The following CADPS variants were observed in gnomAD, a reference collection of about 807,000 sequenced individuals.
CADPS encodes the protein calcium-dependent secretion activator 1.
In CADPS, 57 loss-of-function variants were observed where a neutral mutation model predicts 167.3. The ratio of observed to expected loss-of-function variants is 0.34; its 90% CI spans 0.28 to 0.42. CADPS has a LOEUF of 0.42. CADPS is among the 20% of genes least tolerant of loss of function. The pLI is 1.00. For missense variants in CADPS, 1,414 were observed against 1,738.1 expected, an observed-to-expected ratio of 0.81 and a Z score of 3.32; for synonymous variants, 676 against 635.3, an observed-to-expected ratio of 1.06 and a Z score of -0.96.
At chr3:62,513,123 C>T (rs1406571809) in intron 16 of CADPS, among the ~76,000 whole-genome samples, 2 of 152,076 alleles carry the variant, frequency 1.3e-5, no homozygotes, top group African/African-American at 4.8e-5. Context: ...GGAAAAGCTT[C>T]CCAGCTTGAT....
chr3:62,724,362 G>A (rs1294801520), intron 3 of CADPS, among the ~76,000 whole-genome samples: 1 of 152,118 alleles, frequency 6.6e-6, no homozygotes, highest in Non-Finnish European at 1.5e-5. Context: ...ATGGCATGCA[G>A]CTCAGAAGTT....
chr3:62,539,954 G>A (rs1185743758), intron 11 of CADPS, among the ~76,000 whole-genome samples: 12 of 152,100 alleles, frequency 7.9e-5, no homozygotes, highest in Admixed American at 7.2e-4. Context: ...GGCCTCATTT[G>A]TAAAATGAAG....
At chr3:62,766,060 GC>G in intron 1 of CADPS, 76 bp from the exon 2 acceptor site, 1 of 1,033,474 alleles carries the variant, frequency 9.7e-7, no homozygotes, top group Non-Finnish European at 1.5e-6. Flanking sequence ...TGCTGAAGAT[GC>G]CAGACCCATT....
chr3:62,557,985 C>T (rs2078476490), intron 9 of CADPS, among the ~76,000 whole-genome samples: 2 of 152,214 alleles, frequency 1.3e-5, no homozygotes, highest in African/African-American at 4.8e-5. Flanking sequence ...GCCTTTTGGT[C>T]AGAAGTTAGA....
At chr3:62,841,232 G>C (rs2076601144) in intron 1 of CADPS, among the ~76,000 whole-genome samples, 2 of 152,138 alleles carry the variant, frequency 1.3e-5, no homozygotes, top group Non-Finnish European at 1.5e-5. Flanking sequence ...AGTAAGAGAA[G>C]AAAACTCTTT....
rs546660411 is a variant in CADPS at position 62,818,390 on chromosome 3, C to A, written c.442-52406G>T. Among the ~76,000 whole-genome samples the A allele has an allele frequency of 9.2e-5, 14 of 152,210 alleles. No homozygotes were observed. In the South Asian group the frequency reaches 2.1e-3, roughly 23 times the overall value. On this transcript the variant is annotated intron_variant, in intron 1 of 29. Transcript: ENST00000383710. ...TTGTAAAATAGACAAAAGACTTGAC[C>A]AGACACCTCAGAAAGGCAGGTGCAC...
chr3:62,440,467 T>A, intron 27 of CADPS: 1 of 150,758 alleles, frequency 6.6e-6, no homozygotes, highest in Non-Finnish European at 1.5e-5. Context: ...AAGCCATATA[T>A]TGTAATACAA....
At chr3:62,873,035 G>A (rs946296836) in intron 1 of CADPS, among the ~76,000 whole-genome samples, 2 of 152,184 alleles carry the variant, frequency 1.3e-5, no homozygotes, top group Non-Finnish European at 1.5e-5. Flanking sequence ...TTACTTCTCT[G>A]AGGATACTTT....
intron 1 of CADPS, among the ~76,000 whole-genome samples, chr3:62,864,521 C>T (rs942451774): frequency 3.3e-5 from 5 of 152,118 alleles, no homozygotes; most frequent in Admixed American, 2.0e-4. Flanking sequence ...TGCCTCTCCC[C>T]TAGTTTCTGG....
rs1316288330 is a variant in CADPS at position 62,433,900 on chromosome 3, G to T, written c.3777+4204C>A. Among the ~76,000 whole-genome samples the T allele has an allele frequency of 6.6e-6, 1 of 152,100 alleles. No individual in the cohort carries two copies. The highest frequency in any genetic ancestry group is 1.5e-5 in the Non-Finnish European group (1 of 68,028). The stretch of plus-strand genomic sequence containing the variant: ...TTGAATTAATCACTAGAGAAGGAGG[G>T]AAAAGCCATCTGCATGATTTATGGA... On this transcript the variant is annotated intron_variant, in intron 28 of 29. Coordinates refer to ENST00000383710, the MANE Select transcript of CADPS (RefSeq NM_003716.4). The surrounding 1 kb of genome is among the most constrained non-coding windows in gnomAD (Gnocchi z 4.7).
chr3:62,753,447 G>C lies in CADPS; in HGVS notation c.882C>G (p.Ala294=), dbSNP rs1270872845. The C allele has an allele frequency of 6.2e-7, 1 of 1,606,704 alleles. No homozygotes were observed. Among genetic ancestry groups the C allele is most frequent in the African/African-American group, 1.3e-5 (1 of 74,814 alleles). ...CAGGCGAGAAACACCTTACCTGGCA[G>C]GCATTGTAAAGGAGCTGATGTTCGA... The part of the protein sequence containing the change: ...KKFEHQLLYN[A]CQLDNPDEQA... The change falls in exon 3 of 30, where the codon GCC becomes GCG. Residue 294 remains alanine, a synonymous_variant. Transcript: ENST00000383710. This position sits in a 1 kb window ranked among gnomAD's most constrained non-coding sequence, Gnocchi z 4.6.
At chr3:62,513,770 G>A (rs1290279759) in intron 16 of CADPS, 3 of 1,052,216 alleles carry the variant, frequency 2.9e-6, no homozygotes, top group Non-Finnish European at 4.3e-6. Flanking sequence ...AAAGGTCATA[G>A]GTTAGAGGAA....
At chr3:62,473,988 G>A in intron 24 of CADPS, 185 bp downstream of exon 24, 1 of 506,472 alleles carries the variant, frequency 2.0e-6, no homozygotes, top group Non-Finnish European at 3.4e-6. Flanking sequence ...ATTCTCATCA[G>A]CACATGCCTT....
chr3:62,542,584 G>C (rs752971022), intron 11 of CADPS, among the ~76,000 whole-genome samples: 1 of 152,078 alleles, frequency 6.6e-6, no homozygotes, highest in Non-Finnish European at 1.5e-5. Flanking sequence ...GCTGCCCAGA[G>C]GCACAAATGG....
rs373416442 is a variant in CADPS at position 62,492,380 on chromosome 3, C to T, written c.2794G>A (p.Asp932Asn). ...AETFLSLFAV[D>N]MDAALEVQPP... Reference sequence around the variant, plus strand: ...TGCACCTCTAAGGCTGCATCCATGTCTACTGCAAAGAGTGACAGGAACGTC... The same window carrying T: ...TGCACCTCTAAGGCTGCATCCATGTTTACTGCAAAGAGTGACAGGAACGTC... The change falls in exon 20 of 30, where the codon GAC becomes AAC. Residue 932 changes from aspartate to asparagine, a missense_variant. By Grantham distance (23) the Asp-to-Asn change is conservative. Coordinates refer to ENST00000383710, the MANE Select transcript of CADPS (RefSeq NM_003716.4). 3 of 1,614,102 alleles carry T rather than the reference C, an allele frequency of 1.9e-6. No individual in the cohort carries two copies. In the South Asian group the frequency reaches 3.3e-5, roughly 18 times the overall value.
chr3:62,866,101 C>G (rs925620798), intron 1 of CADPS, among the ~76,000 whole-genome samples: 10 of 152,070 alleles, frequency 6.6e-5, no homozygotes, highest in African/African-American at 2.4e-4. Context: ...GATTCAAGTT[C>G]AACTAGGATT....
chr3:62,614,205 T>C (rs886969905), intron 6 of CADPS, among the ~76,000 whole-genome samples: 1 of 152,186 alleles, frequency 6.6e-6, no homozygotes, highest in African/African-American at 2.4e-5. Context: ...CTCACAGTGA[T>C]GCTATGGGGT....
chr3:62,540,001 G>A (rs917097237), intron 11 of CADPS, among the ~76,000 whole-genome samples: 13 of 152,098 alleles, frequency 8.5e-5, no homozygotes, highest in African/African-American at 3.1e-4. Flanking sequence ...CTGTTGAGAG[G>A]ATCTGAAGAG....
At chr3:62,411,719 G>T (rs1327931150) in intron 28 of CADPS, among the ~76,000 whole-genome samples, 1 of 152,090 alleles carries the variant, frequency 6.6e-6, no homozygotes, top group Admixed American at 6.5e-5. Context: ...ATTCACAGAG[G>T]GTCTGACAAA....
Sources: gnomAD v4.1 joint callset for allele counts (sites outside exome capture counted in the v4.1 genomes callset) on GRCh38, gnomAD v4.1.1 for gene constraint, Gnocchi (gnomAD v3.1) non-coding constraint, MANE v1.5 for transcripts, NCBI Gene and HGNC (gene_info 2026-07-23, HGNC 2026-07-21) for gene names.